FUT8: variants seen among roughly 807,000 people sequenced by gnomAD.
FUT8 encodes alpha-(1,6)-fucosyltransferase.
Under a neutral mutation model 71.3 loss-of-function variants are expected in FUT8, and 29 were observed. That is an observed-to-expected ratio of 0.41 (90% CI 0.30 to 0.55). The LOEUF (loss-of-function observed/expected upper bound fraction) is 0.55, where lower values mean the gene tolerates loss of function less well. Among genes scored for constraint, FUT8 ranks in the 20% least tolerant of loss-of-function variants. The probability of loss-of-function intolerance (pLI) is 0.34; values close to 1 mark genes in which losing one functional copy is unlikely to be tolerated. For synonymous variants in FUT8, 254 were observed against 239.3 expected (o/e 1.06, Z -0.57); for missense variants, 544 against 702.1 (o/e 0.77, Z 2.55).
At chr14:65,428,365 G>A (rs761849606) in intron 1 of FUT8, among the ~76,000 whole-genome samples, 2 of 152,114 alleles carry the variant, frequency 1.3e-5, no homozygotes, top group Non-Finnish European at 2.9e-5. Context: ...AGGTACCTAC[G>A]TCATGAGCGC....
chr14:65,522,453 G>A (rs1178487074), intron 2 of FUT8, among the ~76,000 whole-genome samples: 2 of 152,074 alleles, frequency 1.3e-5, no homozygotes, highest in Admixed American at 1.3e-4. Flanking sequence ...TTATTTGTTA[G>A]TATGTATCAA....
intron 2 of FUT8, among the ~76,000 whole-genome samples, chr14:65,552,870 T>C (rs1304555612): frequency 6.6e-6 from 1 of 152,090 alleles, no homozygotes; most frequent in Non-Finnish European, 1.5e-5. Context: ...TTGGAAATGC[T>C]CTGTATCTAC....
chr14:65,667,856 T>C (rs1892293711), intron 6 of FUT8, among the ~76,000 whole-genome samples: 1 of 152,076 alleles, frequency 6.6e-6, no homozygotes, highest in African/African-American at 2.4e-5. Context: ...AACAGCATGG[T>C]ACTGGTACAA....
the FUT8 span, among the ~76,000 whole-genome samples, chr14:65,356,868 C>T: frequency 0.01 from 1,532 of 152,268 alleles, 21 homozygotes; most frequent in African/African-American, 0.035. This position sits in a 1 kb window ranked among gnomAD's most constrained non-coding sequence, Gnocchi z 4.6. Flanking sequence ...ACTGGAACAC[C>T]GGCTCACATA....
rs540030728 is a variant in FUT8, at chr14:65,558,760, T to C, written c.-227-2577T>C. ...CAGAGGAAAATTGCATAGAAAACTA[T>C]TTGTTTTTCAGCTTAACTTGGTTTT... is the stretch of plus-strand genomic sequence containing the variant. On this transcript the variant is annotated intron_variant, in intron 2 of 10. Transcript: ENST00000673929. Among the ~76,000 whole-genome samples, 64 of 152,314 alleles carry C rather than the reference T, an allele frequency of 4.2e-4. No homozygotes were observed. The Middle Eastern group carries it at 0.01, about 24-fold the overall frequency.
chr14:65,594,115 T>C (rs1308277070), intron 3 of FUT8, among the ~76,000 whole-genome samples: 1 of 152,230 alleles, frequency 6.6e-6, no homozygotes, highest in East Asian at 1.9e-4. Context: ...GCAGGATATT[T>C]TCTTGACCCC....
intron 6 of FUT8, among the ~76,000 whole-genome samples, chr14:65,639,256 A>T (rs201464048): frequency 6.6e-6 from 1 of 152,156 alleles, no homozygotes; most frequent in East Asian, 1.9e-4. Context: ...AAATTTATTG[A>T]AGGAAGTTTT....
At position 65,606,832 on chromosome 14, in the gene FUT8, C is replaced by A. The variant is rs769582822; in HGVS notation, c.204-9146C>A. Among the ~76,000 whole-genome samples the A allele has an allele frequency of 3.6e-4, 54 of 151,538 alleles. 2 individuals carry two copies. The highest frequency in any genetic ancestry group is 3.6e-3 in the Admixed American group (54 of 15,210). Reference sequence around the variant, plus strand: ...CTTTGCTAAATTTAATTAAAAAATCCTTTTGGAATTTTTATTAGAATTGTA... The same window carrying A: ...CTTTGCTAAATTTAATTAAAAAATCATTTTGGAATTTTTATTAGAATTGTA... On this transcript the variant is annotated intron_variant, in intron 3 of 10. Transcript: ENST00000673929.
intron 2 of FUT8, among the ~76,000 whole-genome samples, chr14:65,493,587 T>C (rs28430347): frequency 0.061 from 9,327 of 152,152 alleles, 502 homozygotes; most frequent in South Asian, 0.2. Flanking sequence ...AATTGATGTT[T>C]TAATATTAAA....
chr14:65,575,682 A>G (rs975695500), intron 3 of FUT8, among the ~76,000 whole-genome samples: 1 of 144,968 alleles, frequency 6.9e-6, no homozygotes, highest in African/African-American at 2.6e-5. Flanking sequence ...GCAGCGGCAC[A>G]TTCTCTGCTT....
intron 1 of FUT8, among the ~76,000 whole-genome samples, chr14:65,433,933 G>A (rs778136692): frequency 3.3e-5 from 5 of 152,046 alleles, no homozygotes; most frequent in Non-Finnish European, 4.4e-5. Context: ...TCAGTAGCTA[G>A]GGCTAAAAAT....
At chr14:65,522,326 C>A (rs1277144240) in intron 2 of FUT8, among the ~76,000 whole-genome samples, 1 of 152,058 alleles carries the variant, frequency 6.6e-6, no homozygotes, top group African/African-American at 2.4e-5. Context: ...TCTCATTAAT[C>A]TTCTAATTTA....
intron 7 of FUT8, among the ~76,000 whole-genome samples, chr14:65,700,178 C>G (rs59314362): frequency 4.6e-5 from 7 of 152,114 alleles, no homozygotes; most frequent in African/African-American, 1.7e-4. Flanking sequence ...ATTCACTACT[C>G]TGATTAACAG....
At chr14:65,439,993 T>TACAC (rs561969182) in intron 1 of FUT8, among the ~76,000 whole-genome samples, 1 of 138,186 alleles carries the variant, frequency 7.2e-6, no homozygotes, top group East Asian at 2.1e-4. Flanking sequence ...TATATATATG[T>TACAC]ACACACACAC....
chr14:65,611,303 C>CACACACACACACACACACACA (rs1566851612), intron 3 of FUT8, among the ~76,000 whole-genome samples: 1 of 42,544 alleles, frequency 2.4e-5, no homozygotes, highest in African/African-American at 1.2e-4. Context: ...ACACACACAC[C>CACACACACACACACACACACA]CCCCAAGTAA....
At chr14:65,544,694 T>A (rs561774077) in intron 2 of FUT8, among the ~76,000 whole-genome samples, 1 of 152,084 alleles carries the variant, frequency 6.6e-6, no homozygotes, top group Non-Finnish European at 1.5e-5. Flanking sequence ...GATTATGTGT[T>A]TGTACTTTAT....
chr14:65,706,270 T>C (rs1413329425), intron 7 of FUT8, among the ~76,000 whole-genome samples: 1 of 152,186 alleles, frequency 6.6e-6, no homozygotes, highest in Non-Finnish European at 1.5e-5. Flanking sequence ...ACACCAGTTT[T>C]TGTGATTCCA....
chr14:65,424,483 A>G (rs774429286), intron 1 of FUT8, among the ~76,000 whole-genome samples: 1 of 151,792 alleles, frequency 6.6e-6, no homozygotes, highest in Admixed American at 6.6e-5. Context: ...ACTAGTATCT[A>G]CATATATTTT....
intron 2 of FUT8, among the ~76,000 whole-genome samples, chr14:65,554,869 T>A (rs528014687): frequency 6.6e-6 from 1 of 152,262 alleles, no homozygotes; most frequent in African/African-American, 2.4e-5. Flanking sequence ...CACCTTCTAG[T>A]TTTGATTGTC....
Sources: gnomAD v4.1 joint callset for allele counts (sites outside exome capture counted in the v4.1 genomes callset) on GRCh38, gnomAD v4.1.1 for gene constraint, Gnocchi (gnomAD v3.1) non-coding constraint, MANE v1.5 for transcripts, NCBI Gene and HGNC (gene_info 2026-07-23, HGNC 2026-07-21) for gene names.